Variants in HJURP observed in about 807,000 individuals in gnomAD.
The protein encoded by HJURP is Holliday junction recognition protein.
A neutral mutation model predicts 72.0 loss-of-function variants in HJURP; 49 were observed. That is an observed-to-expected ratio of 0.68 (90% CI 0.54 to 0.86). HJURP has a LOEUF of 0.86. Ranked by LOEUF, HJURP falls within the 40% of genes least tolerant of loss-of-function variation. HJURP has a pLI of 0.00. For missense variants in HJURP, 908 were observed against 936.3 expected (o/e 0.97, Z 0.39); for synonymous variants, 357 against 347.1 (o/e 1.03, Z -0.32).
Position 233,841,213 on chromosome 2 carries a change from A to G in HJURP, c.1567T>C (p.Ser523Pro), listed in dbSNP as rs199877873. The G allele has an allele frequency of 1.7e-5, 28 of 1,614,036 alleles. No homozygotes were observed. Among genetic ancestry groups the G allele is most frequent in the Non-Finnish European group, 3.4e-6 (4 of 1,180,036 alleles). Residue 523 changes from serine (S) to proline (P), a missense_variant, in exon 8 of 9, where the codon TCA (serine) becomes CCA (proline). Around this residue, in one of 3 missense-constraint regions of HJURP, gnomAD observed 598 missense variants for 619.5 expected, o/e 0.97. Transcript: ENST00000411486. ...TGTGTGGGGTTGGTCTTTGGAAGTG[A>G]TGAAGATGAATCGCTCTTGGGCAGG... The part of the protein sequence containing the change: ...RCLPKSDSSS[S>P]LPKTNPTHSA...
intron 5 of HJURP, 97 bp from the exon 6 acceptor site, chr2:233,845,917 T>A: frequency 1.3e-6 from 1 of 756,618 alleles, no homozygotes. Context: ...AATGTACAAA[T>A]CTTTACATGA....
In HJURP at chr2:233,840,769, CCCTCGTGA is replaced by C. The variant is rs752563404; in HGVS notation, c.2003_2010del (p.Ile668ArgfsTer67). On this transcript the variant is annotated frameshift_variant, in exon 8 of 9. Coordinates refer to ENST00000411486, the MANE Select transcript of HJURP (RefSeq NM_018410.5). LOFTEE classifies it high-confidence loss of function. ...GGGAACTGATGGTCCCTCGTGCCAT[CCCTCGTGA>C]TGGCACGAGCAACACATGTAGATGA... The C allele has an allele frequency of 6.2e-7, 1 of 1,613,894 alleles. No individual in the cohort carries two copies. The highest frequency in any genetic ancestry group is 1.7e-5 in the Admixed American group (1 of 59,958).
At chr2:233,843,904 G>A (rs1705292423) in intron 7 of HJURP, among the ~76,000 whole-genome samples, 1 of 152,228 alleles carries the variant, frequency 6.6e-6, no homozygotes, top group African/African-American at 2.4e-5. Context: ...ACGCAGATAT[G>A]ACAACATGTT....
chr2:233,842,646 A>G (rs1367123602), intron 7 of HJURP, among the ~76,000 whole-genome samples: 1 of 131,268 alleles, frequency 7.6e-6, no homozygotes, highest in Non-Finnish European at 1.6e-5. Flanking sequence ...ACACAAACAA[A>G]AAAAAAATCT....
At chr2:233,844,925 G>C (rs1324121389) in intron 6 of HJURP, among the ~76,000 whole-genome samples, 3 of 152,146 alleles carry the variant, frequency 2.0e-5, no homozygotes, top group Non-Finnish European at 4.4e-5. Context: ...CCTTAAGAGA[G>C]GGGTTGGCAG....
At chr2:233,849,943 CCTT>C (rs1274595516) in intron 3 of HJURP, 84 bp from the exon 4 acceptor site, 2 of 808,038 alleles carry the variant, frequency 2.5e-6, no homozygotes, top group Admixed American at 4.1e-5. Flanking sequence ...AAACTGCAAT[CCTT>C]CTGTTAACAC....
chr2:233,842,291 C>G, intron 7 of HJURP, 86 bp from the exon 8 acceptor site: 1 of 1,204,068 alleles, frequency 8.3e-7, no homozygotes, highest in Non-Finnish European at 1.2e-6. Context: ...AAGATTGGAT[C>G]AGGACTATGT....
At chr2:233,849,198 G>C (rs952211024) in intron 4 of HJURP, among the ~76,000 whole-genome samples, 2 of 152,170 alleles carry the variant, frequency 1.3e-5, no homozygotes, top group Admixed American at 1.3e-4. Flanking sequence ...CTGGGCAAAG[G>C]GATGTGGCAA....
Position 233,841,985 on chromosome 2 carries a change from T to C in HJURP, c.795A>G (p.Ala265=). The change falls in exon 8 of 9, where the codon GCA becomes GCG. Residue 265 remains alanine (A), a synonymous_variant. Transcript: ENST00000411486. ...ICNVTISDLY[A]GMLHSMSRLL... ...GCCGGCTCATGGAGTGCAGCATCCCTGCGTACAGGTCACTGATGGTCACAT... is the reference window on the plus strand; with the variant it reads ...GCCGGCTCATGGAGTGCAGCATCCCCGCGTACAGGTCACTGATGGTCACAT... 6.2e-7 allele frequency: 1 copy of C among 1,614,248 alleles called. No individual in the cohort carries two copies. Among genetic ancestry groups the C allele is most frequent in the African/African-American group, 1.3e-5 (1 of 75,070 alleles).
In HJURP at chr2:233,844,242, C is replaced by A. The variant is rs147631492; in HGVS notation, c.537G>T (p.Pro179=). The A allele has an allele frequency of 6.2e-7, 1 of 1,614,110 alleles. No homozygotes were observed. The highest frequency in any genetic ancestry group is 1.1e-5 in the South Asian group (1 of 91,074). The change falls in exon 7 of 9, where the codon CCG becomes CCT. Residue 179 remains proline (P), a synonymous_variant. Transcript: ENST00000411486. ...CGGCAGGTGAGGCCAGTGAAGGCAG[C>A]GGAGTCACACGTACATCCCTTCCAG... ...NRAGRDVRVT[P]LPSLASPAVP...
chr2:233,838,927 C>T (rs1450358321), intron 8 of HJURP, among the ~76,000 whole-genome samples: 1 of 152,166 alleles, frequency 6.6e-6, no homozygotes, highest in African/African-American at 2.4e-5. Flanking sequence ...CAGTTGGAGA[C>T]CAAGACCCGA....
In HJURP at chr2:233,849,909, T is replaced by A. The variant is rs1032040031; in HGVS notation, c.241-50A>T. On this transcript the variant is annotated intron_variant, in intron 3 of 8. Coordinates refer to ENST00000411486, the MANE Select transcript of HJURP (RefSeq NM_018410.5). ...ACATGGTTGTTTGAGTGACAGCACA[T>A]TTCAAAGTCACCGCAAAATAATAAA... The A allele has an allele frequency of 4.5e-6, 5 of 1,123,384 alleles. No homozygotes were observed. The Admixed American group carries it at 1.0e-4, about 23-fold the overall frequency. 69.6% of individuals were successfully genotyped at this position (1,123,384 alleles called of 1,614,324 possible).
rs184730415 is a variant in HJURP at position 233,837,182 on chromosome 2, A to T, written c.*395T>A. The T allele has an allele frequency of 1.5e-3, 318 of 207,120 alleles. 1 individual carries two copies. The highest frequency in any genetic ancestry group is 2.3e-3 in the Non-Finnish European group (243 of 104,914). The allele number at this position is 207,120 out of a possible 1,614,324, so 12.8% of individuals were successfully genotyped here. A position where few individuals can be genotyped will look rare whatever the true frequency, so the allele number is the denominator to read the frequency against. ...GCGCCTGTAATCCCAGCTACTCGGG[A>T]GGCTGAGGCAGAAGAATCGCTTGAA... On this transcript the variant is annotated 3_prime_UTR_variant, in exon 9 of 9. Coordinates refer to ENST00000411486, the MANE Select transcript of HJURP (RefSeq NM_018410.5).
chr2:233,854,340 C>T, intron 1 of HJURP, 44 bp downstream of exon 1: 4 of 1,417,228 alleles, frequency 2.8e-6, no homozygotes, highest in Non-Finnish European at 3.9e-6. Flanking sequence ...AGCCTCACTC[C>T]GACACGCAGG....
rs745462228 is a variant in HJURP at position 233,840,693 on chromosome 2, T to C, written c.2087A>G (p.Asn696Ser). Residue 696 changes from asparagine (N) to serine (S), a missense_variant, in exon 8 of 9, where the codon AAT becomes AGT. By Grantham distance (46) the Asn-to-Ser change is conservative. Transcript: ENST00000411486. ...CACCCCATCTGAGGCACCCAGGGAA[T>C]TGCCCTGGCGTCCGGAGCCCTGGGG... The part of the protein sequence containing the change: ...SEPQGSGRQG[N>S]SLGASDGVDN... The C allele has an allele frequency of 5.6e-6, 9 of 1,614,056 alleles. No homozygotes were observed. The highest frequency in any genetic ancestry group is 7.6e-6 in the Non-Finnish European group (9 of 1,179,982).
At position 233,854,525 on chromosome 2, in the gene HJURP, C is replaced by A; in HGVS notation, c.-25G>T. On this transcript the variant is annotated 5_prime_UTR_variant, in exon 1 of 9. Coordinates refer to ENST00000411486, the MANE Select transcript of HJURP (RefSeq NM_018410.5). Reference sequence around the variant, plus strand: ...TCGGACCCAGCCAGTACCCAAGCGCCAACCCGGACTGCAGGGCCTCGCGCG... The same window carrying A: ...TCGGACCCAGCCAGTACCCAAGCGCAAACCCGGACTGCAGGGCCTCGCGCG... 2 of 1,547,738 alleles carry A rather than the reference C, an allele frequency of 1.3e-6. No individual in the cohort carries two copies. The highest frequency in any genetic ancestry group is 1.8e-6 in the Non-Finnish European group (2 of 1,128,772).
intron 7 of HJURP, among the ~76,000 whole-genome samples, chr2:233,843,779 C>A (rs1290726916): frequency 6.6e-6 from 1 of 152,108 alleles, no homozygotes; most frequent in Non-Finnish European, 1.5e-5. Context: ...GTACTGTAGT[C>A]ATAAAGGAGA....
intron 8 of HJURP, among the ~76,000 whole-genome samples, chr2:233,840,307 C>T (rs1705187729): frequency 6.6e-6 from 1 of 152,126 alleles, no homozygotes; most frequent in Non-Finnish European, 1.5e-5. Flanking sequence ...ACGAATAAAG[C>T]GTAGTAAGTG....
At chr2:233,847,331 G>A (rs1040403860) in intron 5 of HJURP, 66 bp downstream of exon 5, 1 of 1,274,812 alleles carries the variant, frequency 7.8e-7, no homozygotes, top group African/African-American at 1.5e-5. Flanking sequence ...GGCCACATGG[G>A]CTTTGATGGA....
Sources: allele counts gnomAD v4.1 joint callset (sites outside exome capture counted in the v4.1 genomes callset), GRCh38; gene constraint gnomAD v4.1.1; regional missense constraint gnomAD v4.1.1; transcripts MANE v1.5; gene names NCBI Gene and HGNC (gene_info 2026-07-23, HGNC 2026-07-21).